Variants in SLC24A3 observed in about 807,000 individuals in gnomAD.
SLC24A3 encodes the protein solute carrier family 24 member 3.
Under a neutral mutation model 75.8 loss-of-function variants are expected in SLC24A3, and 28 were observed. The ratio of observed to expected loss-of-function variants is 0.37; its 90% CI spans 0.27 to 0.51. The LOEUF (loss-of-function observed/expected upper bound fraction) is 0.51. SLC24A3 is among the 20% of genes least tolerant of loss of function. SLC24A3 has a pLI of 0.94. For missense variants in SLC24A3, 663 were observed against 847.8 expected, an observed-to-expected ratio of 0.78 and a Z score of 2.71; for synonymous variants, 372 against 334.1, an observed-to-expected ratio of 1.11 and a Z score of -1.24.
intron 2 of SLC24A3, among the ~76,000 whole-genome samples, chr20:19,445,842 A>G (rs1400728671): frequency 6.6e-6 from 1 of 152,224 alleles, no homozygotes; most frequent in Non-Finnish European, 1.5e-5. Context: ...CACCAACGAC[A>G]TCTGCCCAAA....
At chr20:19,537,417 A>C (rs1470793400) in intron 3 of SLC24A3, among the ~76,000 whole-genome samples, 1 of 152,222 alleles carries the variant, frequency 6.6e-6, no homozygotes, top group East Asian at 1.9e-4. Context: ...GAACACTTTT[A>C]CACTGTTGGT....
intron 6 of SLC24A3, among the ~76,000 whole-genome samples, chr20:19,611,065 G>A (rs923921458): frequency 2.6e-5 from 4 of 152,186 alleles, no homozygotes; most frequent in African/African-American, 9.7e-5. Flanking sequence ...CTGGCTTCAC[G>A]GATGCTAAAT....
chr20:19,327,578 C>T (rs1600431595), intron 2 of SLC24A3, among the ~76,000 whole-genome samples: 1 of 152,306 alleles, frequency 6.6e-6, no homozygotes, highest in East Asian at 1.9e-4. Context: ...GGAGCTGGCT[C>T]CAGGACATGT....
At chr20:19,609,309 G>A (rs527385166) in intron 6 of SLC24A3, among the ~76,000 whole-genome samples, 21 of 151,674 alleles carry the variant, frequency 1.4e-4, no homozygotes, top group African/African-American at 5.1e-4. Context: ...CTTATAACCT[G>A]ATTTTTTTTT....
chr20:19,525,406 G>GGGGA (rs1353174811), intron 3 of SLC24A3, among the ~76,000 whole-genome samples: 2 of 152,164 alleles, frequency 1.3e-5, no homozygotes, highest in Non-Finnish European at 2.9e-5. Context: ...AGTCCACTAT[G>GGGGA]GGGAGTGAGG....
At chr20:19,511,050 C>T (rs528548139) in intron 2 of SLC24A3, among the ~76,000 whole-genome samples, 2 of 152,214 alleles carry the variant, frequency 1.3e-5, no homozygotes, top group East Asian at 3.9e-4. Flanking sequence ...GTGGACGGAG[C>T]CCCCCACCCT....
intron 2 of SLC24A3, 149 bp downstream of exon 2, chr20:19,281,236 C>T (rs1983655164): frequency 8.7e-7 from 1 of 1,149,566 alleles, no homozygotes; most frequent in South Asian, 1.6e-5. Context: ...TTTCAGGTGA[C>T]ATCCTGAGGG....
chr20:19,407,732 C>T lies in SLC24A3; in HGVS notation c.272-107756C>T, dbSNP rs559845666. Reference sequence around the variant, plus strand: ...TGTTATATAGGTTCCCATTCTCCACCATATTGATGTCTGAATCTTTTATAT... The same window carrying T: ...TGTTATATAGGTTCCCATTCTCCACTATATTGATGTCTGAATCTTTTATAT... On this transcript the variant is annotated intron_variant, in intron 2 of 16. Coordinates refer to ENST00000328041, the MANE Select transcript of SLC24A3 (RefSeq NM_020689.4). 3.3e-5 allele frequency among the ~76,000 whole-genome samples: 5 copies of T among 152,284 alleles called. No homozygotes were observed. The South Asian group carries it at 1.0e-3, about 32-fold the overall frequency.
chr20:19,505,569 A>G (rs1988449880), intron 2 of SLC24A3, among the ~76,000 whole-genome samples: 1 of 152,190 alleles, frequency 6.6e-6, no homozygotes, highest in Non-Finnish European at 1.5e-5. Context: ...CAACGAGACA[A>G]TGACAGATAG....
At chr20:19,530,033 T>G (rs1005158460) in intron 3 of SLC24A3, among the ~76,000 whole-genome samples, 1 of 152,192 alleles carries the variant, frequency 6.6e-6, no homozygotes, top group Non-Finnish European at 1.5e-5. Context: ...TCAGTATGAC[T>G]AAAGAGATGA....
At chr20:19,298,269 C>T (rs746970543) in intron 2 of SLC24A3, among the ~76,000 whole-genome samples, 5 of 152,222 alleles carry the variant, frequency 3.3e-5, no homozygotes, top group African/African-American at 7.2e-5. Flanking sequence ...GGAATACGAT[C>T]GTCATTTTTT....
intron 6 of SLC24A3, among the ~76,000 whole-genome samples, chr20:19,591,173 A>G (rs144892211): frequency 4.6e-5 from 7 of 152,254 alleles, no homozygotes; most frequent in African/African-American, 1.7e-4. Context: ...CATTGCCTCT[A>G]CAACTTCACC....
intron 6 of SLC24A3, among the ~76,000 whole-genome samples, chr20:19,652,718 A>G (rs1253036738): frequency 1.3e-5 from 2 of 152,196 alleles, no homozygotes; most frequent in African/African-American, 4.8e-5. Flanking sequence ...CATGCCTTTC[A>G]TGTTATTTGC....
intron 3 of SLC24A3, among the ~76,000 whole-genome samples, chr20:19,534,739 T>C (rs1160006317): frequency 1.3e-5 from 2 of 152,188 alleles, no homozygotes; most frequent in East Asian, 3.9e-4. Context: ...TACATCTATG[T>C]GTAGAGACCC....
chr20:19,389,415 C>T (rs564685153), intron 2 of SLC24A3, among the ~76,000 whole-genome samples: 12 of 152,146 alleles, frequency 7.9e-5, no homozygotes, highest in African/African-American at 2.9e-4. Context: ...TGATGATTAA[C>T]TCTCATACCT....
intron 2 of SLC24A3, among the ~76,000 whole-genome samples, chr20:19,353,194 G>A (rs373174499): frequency 8.5e-5 from 13 of 152,126 alleles, no homozygotes; most frequent in Non-Finnish European, 1.5e-4. Flanking sequence ...TTCAGAACAC[G>A]TCTTCATCAT....
chr20:19,666,465 C>T (rs1161142653), intron 8 of SLC24A3, among the ~76,000 whole-genome samples: 1 of 151,986 alleles, frequency 6.6e-6, no homozygotes, highest in Non-Finnish European at 1.5e-5. Context: ...AAGATCACAC[C>T]ACTGCACTCC....
chr20:19,700,464 C>T (rs1298982710), intron 15 of SLC24A3, among the ~76,000 whole-genome samples: 1 of 152,160 alleles, frequency 6.6e-6, no homozygotes, highest in East Asian at 1.9e-4. Flanking sequence ...ACATAAGTTA[C>T]ATGTACCCAC....
intron 1 of SLC24A3, among the ~76,000 whole-genome samples, chr20:19,238,469 GTA>G (rs1982232410): frequency 6.6e-6 from 1 of 152,192 alleles, no homozygotes; most frequent in African/African-American, 2.4e-5. Context: ...TTGATCTGGT[GTA>G]TACTCCAGAG....
Sources: allele counts gnomAD v4.1 joint callset (sites outside exome capture counted in the v4.1 genomes callset), GRCh38; gene constraint gnomAD v4.1.1; transcripts MANE v1.5; gene names NCBI Gene and HGNC (gene_info 2026-07-23, HGNC 2026-07-21).